The following PRKN variants were observed in gnomAD, a reference collection of about 807,000 sequenced individuals.
PRKN encodes the protein E3 ubiquitin-protein ligase parkin.
A neutral mutation model predicts 59.5 loss-of-function variants in PRKN; 56 were observed. That is an observed-to-expected ratio of 0.94 (90% confidence interval 0.76 to 1.18). The LOEUF is 1.18. Among genes scored for constraint, PRKN ranks in the 50% most tolerant of loss-of-function variants. PRKN has a pLI of 0.00. For missense variants in PRKN, 657 were observed against 596.4 expected, an observed-to-expected ratio of 1.10 and a Z score of -1.06; for synonymous variants, 250 against 222.1, an observed-to-expected ratio of 1.13 and a Z score of -1.12.
Position 162,705,979 on chromosome 6 carries a change from T to G in PRKN, c.7+21683A>C, listed in dbSNP as rs143541528. ...ATAGGGCAGCAGAAACACGGCTTTC[T>G]CAGACACCTCCGCCAGCCCCTGCTA... On this transcript the variant is annotated intron_variant, in intron 1 of 11. Transcript: ENST00000366898. Among the ~76,000 whole-genome samples the G allele has an allele frequency of 6.1e-4, 93 of 152,244 alleles. No homozygotes were observed. The South Asian group carries it at 8.3e-3, about 14-fold the overall frequency.
chr6:161,561,123 C>G lies in PRKN; in HGVS notation c.933+8232G>C, dbSNP rs371525128. On this transcript the variant is annotated intron_variant, in intron 8 of 11. Transcript: ENST00000366898. The surrounding 1 kb of genome is among the most constrained non-coding windows in gnomAD (Gnocchi z 5.0). ...TCTCTCTTCTTTCTTCCCCTCAACC[C>G]GCCGAAAAAAGGGGTGAAATAAAAA... is the stretch of plus-strand genomic sequence containing the variant. Among the ~76,000 whole-genome samples, 37 of 151,620 alleles carry G rather than the reference C, an allele frequency of 2.4e-4. No homozygotes were observed. The East Asian group carries it at 7.0e-3, about 29-fold the overall frequency.
At chr6:162,278,962 A>T (rs1000749972) in intron 2 of PRKN, among the ~76,000 whole-genome samples, 12 of 151,678 alleles carry the variant, frequency 7.9e-5, no homozygotes, top group Non-Finnish European at 1.3e-4. Flanking sequence ...AGATTTTTTT[A>T]AAAAATTTTT....
At position 161,399,791 on chromosome 6, in the gene PRKN, C is replaced by T. The variant is rs142517149; in HGVS notation, c.1084-12914G>A. ...TTTTGTCTTTTTGATTTTGAAACCA[C>T]CGTGAAAGGATACAGCCTAGAACAG... On this transcript the variant is annotated intron_variant, in intron 9 of 11. Transcript: ENST00000366898. This position sits in a 1 kb window ranked among gnomAD's most constrained non-coding sequence, Gnocchi z 4.4. Among the ~76,000 whole-genome samples, 1 of 152,098 alleles carries T rather than the reference C, an allele frequency of 6.6e-6. No homozygotes were observed. Among genetic ancestry groups the T allele is most frequent in the Non-Finnish European group, 1.5e-5 (1 of 68,008 alleles).
chr6:161,438,459 G>A (rs976107464), intron 9 of PRKN, among the ~76,000 whole-genome samples: 4 of 151,948 alleles, frequency 2.6e-5, no homozygotes, highest in Non-Finnish European at 4.4e-5. Flanking sequence ...CTCGTAATCC[G>A]CCCACCTTAG....
intron 7 of PRKN, among the ~76,000 whole-genome samples, chr6:161,746,748 C>A (rs752770799): frequency 2.2e-4 from 32 of 144,572 alleles, no homozygotes; most frequent in Non-Finnish European, 9.0e-5. Context: ...TCTAGATATG[C>A]ACATATATAT....
At chr6:161,902,564 A>ATCTATTTTTTTTTTTTTTTTTTTTTT (rs1242030157) in intron 6 of PRKN, among the ~76,000 whole-genome samples, 5 of 112,046 alleles carry the variant, frequency 4.5e-5, no homozygotes, top group Admixed American at 1.0e-4. Flanking sequence ...TTATTTATTT[A>ATCTATTTTTTTTTTTTTTTTTTTTTT]TTTTTTTTTT....
intron 2 of PRKN, among the ~76,000 whole-genome samples, chr6:162,297,016 G>A (rs1390180793): frequency 6.6e-6 from 1 of 152,016 alleles, no homozygotes; most frequent in Non-Finnish European, 1.5e-5. Context: ...AATGGCAAAG[G>A]GGGCCAAGAG....
At chr6:161,387,751 G>A (rs73606913) in intron 9 of PRKN, among the ~76,000 whole-genome samples, 1 of 152,198 alleles carries the variant, frequency 6.6e-6, no homozygotes, top group Non-Finnish European at 1.5e-5. Context: ...CCACATAATG[G>A]ATAGGTGGAA....
chr6:162,298,674 A>G lies in PRKN; in HGVS notation c.172-35909T>C, dbSNP rs1217760039. Among the ~76,000 whole-genome samples the G allele has an allele frequency of 2.3e-5, 3 of 128,902 alleles. 1 individual carries two copies. Among genetic ancestry groups the G allele is most frequent in the Admixed American group, 2.2e-4 (2 of 9,286 alleles). The allele number at this position is 128,902 out of a possible 152,430, so 84.6% of individuals were successfully genotyped here. On this transcript the variant is annotated intron_variant, in intron 2 of 11. Transcript: ENST00000366898. ...CATGGAGGCACCAGAGGACATATTT[A>G]CAATTCTTGGCCTTCACCTTGATGA...
intron 10 of PRKN, among the ~76,000 whole-genome samples, chr6:161,374,569 G>A (rs1785582920): frequency 2.2e-3 from 13 of 5,974 alleles, no homozygotes; most frequent in East Asian, 0.012. Flanking sequence ...TGTGTGGTGT[G>A]TGTAATGGGT....
intron 4 of PRKN, among the ~76,000 whole-genome samples, chr6:162,185,184 A>AT (rs539576945): frequency 1.3e-5 from 2 of 152,128 alleles, no homozygotes; most frequent in Non-Finnish European, 2.9e-5. Context: ...TGTTATGGAT[A>AT]TTTTTTCTAA....
intron 1 of PRKN, among the ~76,000 whole-genome samples, chr6:162,693,997 C>T (rs1482715312): frequency 6.6e-6 from 1 of 151,962 alleles, no homozygotes; most frequent in Non-Finnish European, 1.5e-5. Flanking sequence ...CCTGTAATCC[C>T]AACACTTTGG....
intron 5 of PRKN, among the ~76,000 whole-genome samples, chr6:161,974,924 G>A (rs1780966558): frequency 6.6e-6 from 1 of 152,076 alleles, no homozygotes; most frequent in South Asian, 2.1e-4. Flanking sequence ...TAAGCAGTAT[G>A]CAAATGAATG....
intron 6 of PRKN, among the ~76,000 whole-genome samples, chr6:161,911,407 C>G (rs537126560): frequency 2.2e-4 from 34 of 152,242 alleles, no homozygotes; most frequent in African/African-American, 8.2e-4. Flanking sequence ...AAGCTTAAAC[C>G]CCCTTCCCAC....
At chr6:161,719,424 T>C (rs1787128513) in intron 7 of PRKN, among the ~76,000 whole-genome samples, 1 of 152,148 alleles carries the variant, frequency 6.6e-6, no homozygotes, top group Admixed American at 6.5e-5. Context: ...TTTGTGGGGC[T>C]TGCAGTCTCT....
Position 161,379,046 on chromosome 6 carries a change from G to A in PRKN, c.1167+7748C>T, listed in dbSNP as rs1432462680. On this transcript the variant is annotated intron_variant, in intron 10 of 11. Coordinates refer to ENST00000366898, the MANE Select transcript of PRKN (RefSeq NM_004562.3). This position sits in a 1 kb window ranked among gnomAD's most constrained non-coding sequence, Gnocchi z 4.9. ...CCAAGGGATTAGCAGGCTAGAAAGG[G>A]AGTTGCCATCCTGGAAGGGGTAACT... Among the ~76,000 whole-genome samples the A allele has an allele frequency of 6.6e-6, 1 of 152,174 alleles. No individual in the cohort carries two copies. Among genetic ancestry groups the A allele is most frequent in the African/African-American group, 2.4e-5 (1 of 41,428 alleles).
chr6:161,559,876 C>A (rs1259118021), intron 8 of PRKN, among the ~76,000 whole-genome samples: 1 of 152,162 alleles, frequency 6.6e-6, no homozygotes, highest in East Asian at 1.9e-4. Flanking sequence ...ATATTTATAA[C>A]TATCTGAAAT....
At chr6:162,153,480 C>T (rs886413824) in intron 4 of PRKN, among the ~76,000 whole-genome samples, 37 of 152,166 alleles carry the variant, frequency 2.4e-4, no homozygotes, top group Non-Finnish European at 7.3e-5. Flanking sequence ...ATCAGTTCAG[C>T]GGGCCCTTTG....
chr6:161,614,713 G>T (rs756097406), intron 7 of PRKN, among the ~76,000 whole-genome samples: 3 of 152,130 alleles, frequency 2.0e-5, no homozygotes, highest in Non-Finnish European at 4.4e-5. Context: ...AAATCTATTT[G>T]GTGCCACTAA....
Sources: gnomAD v4.1 joint callset for allele counts (sites outside exome capture counted in the v4.1 genomes callset) on GRCh38, gnomAD v4.1.1 for gene constraint, Gnocchi (gnomAD v3.1) non-coding constraint, MANE v1.5 for transcripts, NCBI Gene and HGNC (gene_info 2026-07-23, HGNC 2026-07-21) for gene names.